The following SCP2 variants were observed in gnomAD, a reference collection of about 807,000 sequenced individuals.
SCP2 encodes sterol carrier protein 2.
Under a neutral mutation model 71.4 loss-of-function variants are expected in SCP2, and 48 were observed. The observed-to-expected ratio is 0.67, with a 90% confidence interval of 0.53 to 0.86. The LOEUF (loss-of-function observed/expected upper bound fraction) is 0.86. Ranked by LOEUF, SCP2 falls within the 40% of genes least tolerant of loss-of-function variation. SCP2 has a pLI of 0.00. For missense variants in SCP2, 560 were observed against 655.6 expected (o/e 0.85, Z 1.59); for synonymous variants, 220 against 218.1 (o/e 1.01, Z -0.08).
At chr1:52,949,048 A>G (rs1655065326) in intron 3 of SCP2, among the ~76,000 whole-genome samples, 1 of 152,116 alleles carries the variant, frequency 6.6e-6, no homozygotes, top group South Asian at 2.1e-4. Context: ...GATCTACTAC[A>G]GCTTATTTAG....
In SCP2 at chr1:52,967,177, G is replaced by C. The variant is rs541411099; in HGVS notation, c.523+5548G>C. ...TGCACTCCACCCTGGGCAACAGACTGGGACTCCTCAATTAAAAAAAAAGAA... is the reference window on the plus strand; with the variant it reads ...TGCACTCCACCCTGGGCAACAGACTCGGACTCCTCAATTAAAAAAAAAGAA... On this transcript the variant is annotated intron_variant, in intron 6 of 15. Coordinates refer to ENST00000371514, the MANE Select transcript of SCP2 (RefSeq NM_002979.5). Among the ~76,000 whole-genome samples the C allele has an allele frequency of 2.0e-5, 3 of 152,146 alleles. No individual in the cohort carries two copies. The South Asian group carries it at 6.2e-4, about 32-fold the overall frequency.
chr1:52,963,560 T>G (rs933699111), intron 6 of SCP2: 1 of 152,202 alleles, frequency 6.6e-6, no homozygotes, highest in Non-Finnish European at 1.5e-5. Context: ...TTGACCAGGA[T>G]GATAGGGTCA....
intron 2 of SCP2, among the ~76,000 whole-genome samples, chr1:52,946,843 G>A (rs1365041198): frequency 6.6e-6 from 1 of 151,320 alleles, no homozygotes; most frequent in Non-Finnish European, 1.5e-5. Context: ...GATCACTTGA[G>A]GTCAGGGGTT....
At chr1:53,045,214 T>C (rs1240179771) in intron 14 of SCP2, among the ~76,000 whole-genome samples, 1 of 152,222 alleles carries the variant, frequency 6.6e-6, no homozygotes, top group Non-Finnish European at 1.5e-5. Context: ...CCTGCCCCCC[T>C]GCTATCACTA....
chr1:53,039,154 A>G, intron 14 of SCP2, 108 bp downstream of exon 14: 1 of 1,347,394 alleles, frequency 7.4e-7, no homozygotes, highest in Non-Finnish European at 1.0e-6. Context: ...CTGGCTTTTA[A>G]TGTTAAAGAA....
At chr1:53,020,438 G>A (rs1325266528) in intron 12 of SCP2, among the ~76,000 whole-genome samples, 2 of 151,818 alleles carry the variant, frequency 1.3e-5, no homozygotes, top group Non-Finnish European at 1.5e-5. Context: ...ACTGGTTAAA[G>A]GTCAAAAATA....
intron 7 of SCP2, among the ~76,000 whole-genome samples, chr1:52,976,143 T>C (rs963569216): frequency 3.3e-5 from 5 of 152,202 alleles, no homozygotes; most frequent in Non-Finnish European, 5.9e-5. Flanking sequence ...TCAGGGCATG[T>C]CATCCTCCGG....
chr1:53,048,121 C>T, intron 15 of SCP2, 184 bp downstream of exon 15: 1 of 608,952 alleles, frequency 1.6e-6, no homozygotes, highest in Non-Finnish European at 3.1e-6. Context: ...GCTGGAAGTG[C>T]CCAGAAGAGT....
intron 11 of SCP2, among the ~76,000 whole-genome samples, chr1:53,001,164 A>C (rs557268645): frequency 6.6e-6 from 1 of 152,104 alleles, no homozygotes; most frequent in Non-Finnish European, 1.5e-5. Context: ...CAGGAAGTGT[A>C]TAAGAGGCAG....
intron 13 of SCP2, among the ~76,000 whole-genome samples, chr1:53,028,291 A>G (rs979569229): frequency 6.6e-6 from 1 of 152,218 alleles, no homozygotes; most frequent in African/African-American, 2.4e-5. Flanking sequence ...CTAAAGAACT[A>G]TAATAAATAC....
intron 5 of SCP2, among the ~76,000 whole-genome samples, chr1:52,959,974 C>G (rs1483441965): frequency 2.0e-5 from 3 of 151,846 alleles, no homozygotes; most frequent in Non-Finnish European, 2.9e-5. Context: ...TCACTGCAAC[C>G]TCTGCCTCCC....
At chr1:53,019,762 A>G (rs550468769) in intron 12 of SCP2, among the ~76,000 whole-genome samples, 9 of 152,328 alleles carry the variant, frequency 5.9e-5, no homozygotes, top group East Asian at 1.9e-4. Flanking sequence ...AATGTGATGT[A>G]TATCTGTTTC....
intron 8 of SCP2, 58 bp downstream of exon 8, chr1:52,976,827 C>A (rs1344112414): frequency 3.4e-6 from 3 of 887,924 alleles, no homozygotes; most frequent in East Asian, 2.4e-5. Flanking sequence ...CTTCCTGCCA[C>A]CCCCCTGTGG....
At chr1:53,029,387 C>G (rs368923900) in intron 13 of SCP2, among the ~76,000 whole-genome samples, 1 of 151,898 alleles carries the variant, frequency 6.6e-6, no homozygotes, top group African/African-American at 2.4e-5. Flanking sequence ...CCTTGGCCCC[C>G]CAAAGTGTTG....
At chr1:52,952,912 G>T (rs2150128886) in intron 4 of SCP2, among the ~76,000 whole-genome samples, 1 of 151,752 alleles carries the variant, frequency 6.6e-6, no homozygotes, top group Non-Finnish European at 1.5e-5. Context: ...TTTTTTATTA[G>T]GTCCTCTCTC....
chr1:53,049,423 TA>T (rs1473815789), intron 15 of SCP2: 2 of 152,198 alleles, frequency 1.3e-5, no homozygotes, highest in Non-Finnish European at 2.9e-5. Flanking sequence ...TGGAAATCGT[TA>T]AATGCAGTGG....
chr1:52,980,996 A>C (rs1376634950), intron 10 of SCP2, among the ~76,000 whole-genome samples: 1 of 152,080 alleles, frequency 6.6e-6, no homozygotes, highest in South Asian at 2.1e-4. Context: ...CAGTGGTGCA[A>C]TCTCAGCTCA....
chr1:53,011,021 C>T (rs79417255), intron 11 of SCP2, among the ~76,000 whole-genome samples: 5,498 of 152,178 alleles, frequency 0.036, 132 homozygotes, highest in Middle Eastern at 0.058. Context: ...CATGGACGTG[C>T]GTGACAAATT....
At chr1:53,010,326 C>T (rs1357222965) in intron 11 of SCP2, among the ~76,000 whole-genome samples, 3 of 152,180 alleles carry the variant, frequency 2.0e-5, no homozygotes, top group Non-Finnish European at 4.4e-5. Flanking sequence ...GACACATGCA[C>T]ACGTATGTTT....
Sources: gnomAD v4.1 joint callset for allele counts (sites outside exome capture counted in the v4.1 genomes callset) on GRCh38, gnomAD v4.1.1 for gene constraint, MANE v1.5 for transcripts, NCBI Gene and HGNC (gene_info 2026-07-23, HGNC 2026-07-21) for gene names.